The following ELP3 variants were observed in gnomAD, a reference collection of about 807,000 sequenced individuals.
ELP3 encodes the protein elongator complex protein 3.
ELP3 carries 56 observed loss-of-function variants against 74.9 expected under a neutral mutation model. The ratio of observed to expected loss-of-function variants is 0.75; its 90% CI spans 0.60 to 0.93. The LOEUF (loss-of-function observed/expected upper bound fraction) is 0.93, where lower values mean the gene tolerates loss of function less well. Among genes scored for constraint, ELP3 ranks in the 40% least tolerant of loss-of-function variants. The pLI, the probability that ELP3 is intolerant of heterozygous loss-of-function variation, is 0.00. For synonymous variants in ELP3, 222 were observed against 239.8 expected, an observed-to-expected ratio of 0.93 and a Z score of 0.68; for missense variants, 573 against 686.5, an observed-to-expected ratio of 0.83 and a Z score of 1.85.
chr8:28,097,437 C>T, intron 2 of ELP3, 119 bp downstream of exon 2: 1 of 619,578 alleles, frequency 1.6e-6, no homozygotes, highest in Non-Finnish European at 2.8e-6. Flanking sequence ...TTTTAGCTTT[C>T]TGCCTTGCCT....
chr8:28,175,970 A>G (rs1814736406), intron 14 of ELP3, among the ~76,000 whole-genome samples: 1 of 151,754 alleles, frequency 6.6e-6, no homozygotes, highest in Non-Finnish European at 1.5e-5. Flanking sequence ...ATGTGCCACC[A>G]GGCCTGGCTA....
chr8:28,096,764 C>T (rs1046617106), intron 1 of ELP3, among the ~76,000 whole-genome samples: 11 of 152,212 alleles, frequency 7.2e-5, no homozygotes, highest in African/African-American at 2.7e-4. Flanking sequence ...ATGTAACAGG[C>T]ACATATTCTT....
chr8:28,113,912 C>T (rs1244110074), intron 7 of ELP3: 2 of 152,096 alleles, frequency 1.3e-5, no homozygotes, highest in Admixed American at 1.3e-4. Context: ...TCATGTCTGT[C>T]AAATCATGTG....
At chr8:28,143,037 T>C (rs1813305419) in intron 10 of ELP3, among the ~76,000 whole-genome samples, 1 of 152,236 alleles carries the variant, frequency 6.6e-6, no homozygotes, top group Admixed American at 6.5e-5. Flanking sequence ...TTATTATATT[T>C]TGCTACTTCC....
rs756959039 is a variant in ELP3 at position 28,132,262 on chromosome 8, G to C, written c.780-16G>C. 6.2e-6 allele frequency: 10 copies of C among 1,613,592 alleles called. No homozygotes were observed. In the Admixed American group the frequency reaches 1.7e-4, roughly 27 times the overall value. On this transcript the variant is annotated splice_polypyrimidine_tract_variant and intron_variant, in intron 8 of 14. Transcript: ENST00000256398. ...ATAGGTAGTGATTTTCACAGGTAGT[G>C]ATTTTCTTTCCTTAGGGGCCACACT...
At chr8:28,094,429 T>C (rs1235509892) in intron 1 of ELP3, among the ~76,000 whole-genome samples, 6 of 152,218 alleles carry the variant, frequency 3.9e-5, no homozygotes, top group Non-Finnish European at 8.8e-5. Context: ...TCAAAAGTTG[T>C]TGATCTTGGC....
chr8:28,151,024 C>T (rs550888415), intron 10 of ELP3, among the ~76,000 whole-genome samples: 1 of 152,290 alleles, frequency 6.6e-6, no homozygotes, highest in South Asian at 2.1e-4. Context: ...ATCTTCCTGC[C>T]TCGGCCTTCC....
intron 9 of ELP3, among the ~76,000 whole-genome samples, chr8:28,133,131 T>TA (rs1812844584): frequency 6.6e-6 from 1 of 152,182 alleles, no homozygotes; most frequent in Non-Finnish European, 1.5e-5. Flanking sequence ...ACATATATTT[T>TA]ACTGTTTGCT....
chr8:28,117,189 A>C (rs150297933), intron 7 of ELP3, among the ~76,000 whole-genome samples: 350 of 152,160 alleles, frequency 2.3e-3, no homozygotes, highest in African/African-American at 7.8e-3. Flanking sequence ...CATCTCCTAC[A>C]GTTTGGGTCC....
At chr8:28,094,666 T>A (rs951929910) in intron 1 of ELP3, among the ~76,000 whole-genome samples, 6 of 151,724 alleles carry the variant, frequency 4.0e-5, no homozygotes, top group Admixed American at 6.6e-5. Context: ...CACTTGAACC[T>A]GGGAGGTGGA....
chr8:28,118,162 A>G (rs1246724045), intron 7 of ELP3, among the ~76,000 whole-genome samples: 1 of 152,186 alleles, frequency 6.6e-6, no homozygotes, highest in East Asian at 1.9e-4. Flanking sequence ...TTTTTTAAAG[A>G]TTAATTTTAA....
intron 14 of ELP3, among the ~76,000 whole-genome samples, chr8:28,163,672 T>C (rs569882604): frequency 1.3e-5 from 2 of 152,374 alleles, no homozygotes; most frequent in East Asian, 3.9e-4. Flanking sequence ...CTGTTTAACC[T>C]GTGGTTGATC....
intron 6 of ELP3, among the ~76,000 whole-genome samples, chr8:28,111,822 G>A (rs913753788): frequency 3.3e-5 from 5 of 152,164 alleles, no homozygotes; most frequent in African/African-American, 9.7e-5. Context: ...TCTCCAAAAC[G>A]TGTCACATCT....
chr8:28,163,563 A>AT (rs1175464737), intron 14 of ELP3, among the ~76,000 whole-genome samples: 27 of 119,134 alleles, frequency 2.3e-4, no homozygotes, highest in East Asian at 6.7e-4. Context: ...TTATTTATTT[A>AT]TTTTTTTTTC....
rs74436210 is a variant in ELP3, at chr8:28,132,540, A to T, written c.906+136A>T. 1,401 of 1,148,356 alleles carry T rather than the reference A, an allele frequency of 1.2e-3. 10 individuals carry two copies. The African/African-American group carries it at 0.018, about 15-fold the overall frequency. The allele number at this position is 1,148,356 out of a possible 1,614,324, so 71.1% of individuals were successfully genotyped here. A position where few individuals can be genotyped will look rare whatever the true frequency, so the allele number is the denominator to read the frequency against. ...CCTTATTATAGAATATTAGAAACAC[A>T]GTAGGGTAAGAGACATCACCCATAG... On this transcript the variant is annotated intron_variant, in intron 9 of 14. Transcript: ENST00000256398.
chr8:28,119,572 TTATATATATATA>T (rs72105276), intron 7 of ELP3, among the ~76,000 whole-genome samples: 3,375 of 46,448 alleles, frequency 0.073, 241 homozygotes, highest in Middle Eastern at 0.1. Context: ...TTGTGGCGTT[TTATATATATATA>T]TATATATATA....
chr8:28,091,175 G>A (rs1239074648), upstream of ELP3, among the ~76,000 whole-genome samples: 1 of 151,954 alleles, frequency 6.6e-6, no homozygotes, highest in African/African-American at 2.4e-5. Flanking sequence ...CAAAGTGCTG[G>A]GATTACAGGC....
intron 9 of ELP3, among the ~76,000 whole-genome samples, chr8:28,136,538 A>G (rs1243528169): frequency 6.6e-6 from 1 of 152,232 alleles, no homozygotes. Context: ...TTTAAAATAT[A>G]AATGTTACAG....
Position 28,132,376 on chromosome 8 carries a change from G to A in ELP3, c.878G>A (p.Gly293Glu), listed in dbSNP as rs1428491868. ...AHMMPDLPNVGLERDIEQFTE... is the reference protein window; with the variant it reads ...AHMMPDLPNVELERDIEQFTE... The stretch of plus-strand genomic sequence containing the variant: ...ATGATGCCTGACCTGCCAAACGTGG[G>A]ACTAGAAAGAGACATTGAACAGTTC... The change falls in exon 9 of 15, where the codon GGA becomes GAA. Residue 293 changes from glycine to glutamate, a missense_variant. Physicochemically the swap from Gly to Glu is moderately conservative, Grantham distance 98. Transcript: ENST00000256398. 2 of 1,614,116 alleles carry A rather than the reference G, an allele frequency of 1.2e-6. No individual in the cohort carries two copies. The highest frequency in any genetic ancestry group is 2.2e-5 in the South Asian group (2 of 91,088).
Sources: gnomAD v4.1 joint callset for allele counts (sites outside exome capture counted in the v4.1 genomes callset) on GRCh38, gnomAD v4.1.1 for gene constraint, MANE v1.5 for transcripts, NCBI Gene and HGNC (gene_info 2026-07-23, HGNC 2026-07-21) for gene names.